Variants in PARP14 observed in about 807,000 individuals in gnomAD.
PARP14 encodes the protein poly(ADP-ribose) polymerase family member 14.
A neutral mutation model predicts 154.2 loss-of-function variants in PARP14; 59 were observed. The ratio of observed to expected loss-of-function variants is 0.38; its 90% CI spans 0.31 to 0.48. The LOEUF (loss-of-function observed/expected upper bound fraction) is 0.48. PARP14 is among the 20% of genes least tolerant of loss of function. The pLI is 0.98. For synonymous variants in PARP14, 720 were observed against 780.5 expected, an observed-to-expected ratio of 0.92 and a Z score of 1.29; for missense variants, 1,734 against 2,131.6, an observed-to-expected ratio of 0.81 and a Z score of 3.67.
intron 4 of PARP14, among the ~76,000 whole-genome samples, chr3:122,694,515 G>A (rs977091796): frequency 5.3e-5 from 8 of 152,066 alleles, no homozygotes; most frequent in Admixed American, 5.2e-4. Context: ...CTGGCACATC[G>A]TGGGCCCACC....
chr3:122,704,126 C>T (rs1939073563), intron 7 of PARP14, 148 bp downstream of exon 7: 2 of 636,434 alleles, frequency 3.1e-6, no homozygotes, highest in Non-Finnish European at 5.6e-6. Context: ...GTGGCCATTT[C>T]TTTCAGCTGT....
At chr3:122,692,242 G>T (rs1938562946) in intron 3 of PARP14, 59 bp from the exon 4 acceptor site, 1 of 1,484,026 alleles carries the variant, frequency 6.7e-7, no homozygotes. Flanking sequence ...AACTTACTTT[G>T]CTAAGACCAT....
rs1933396982 is a variant in PARP14, at chr3:122,730,414, G to T, written c.*1817G>T. The T allele has an allele frequency of 6.6e-6, 1 of 152,250 alleles. No homozygotes were observed. The highest frequency in any genetic ancestry group is 6.5e-5 in the Admixed American group (1 of 15,280). The allele number at this position is 152,250 out of a possible 1,614,324, so 9.4% of individuals were successfully genotyped here. A position where few individuals can be genotyped will look rare whatever the true frequency, so the allele number is the denominator to read the frequency against. ...CGGAGCCAATGCAGATAGCACATCA[G>T]ATGCTAGGGGTCGCTGGGAGGATTA... On this transcript the variant is annotated 3_prime_UTR_variant, in exon 17 of 17. Coordinates refer to ENST00000474629, the MANE Select transcript of PARP14 (RefSeq NM_017554.3).
chr3:122,705,361 T>A (rs535625234), intron 8 of PARP14, among the ~76,000 whole-genome samples: 1 of 152,230 alleles, frequency 6.6e-6, no homozygotes, highest in Non-Finnish European at 1.5e-5. Context: ...TTTCCCTCCA[T>A]ATGGACATAG....
In PARP14 at chr3:122,718,153, G is replaced by A. The variant is rs781558745; in HGVS notation, c.4083G>A (p.Gln1361=). Residue 1361 remains glutamine (Q), a synonymous_variant, in exon 13 of 17, where the codon CAG becomes CAA. Transcript: ENST00000474629. ...IEDFVQKGSA[Q]SVKKVKVVIF... ...ACTTTGTCCAGAAAGGATCAGCCCAGTCTGTGAAAAAAGTTAAAGTTGTTA... is the reference window on the plus strand; with the variant it reads ...ACTTTGTCCAGAAAGGATCAGCCCAATCTGTGAAAAAAGTTAAAGTTGTTA... 1.9e-5 allele frequency: 30 copies of A among 1,613,690 alleles called. No homozygotes were observed. The highest frequency in any genetic ancestry group is 2.5e-5 in the Non-Finnish European group (29 of 1,179,806).
chr3:122,710,781 T>C (rs1939298566), intron 9 of PARP14, among the ~76,000 whole-genome samples: 1 of 149,538 alleles, frequency 6.7e-6, no homozygotes. Context: ...GTTAAGTATA[T>C]TCCTAGGTAT....
rs1020925854 is a variant in PARP14, at chr3:122,727,921, C to G, written c.5051C>G (p.Thr1684Arg). ...AATGAGAAGCAACTCTTCCATGGGA[C>G]AGATGCCGGCTCCGTGCCACACGTC... ...TMNEKQLFHG[T>R]DAGSVPHVNR... Residue 1684 changes from threonine (T) to arginine (R), a missense_variant, in exon 16 of 17, where the codon ACA (threonine) becomes AGA (arginine). Thr to Arg is a moderately conservative substitution (Grantham distance 71, BLOSUM62 -1). Transcript: ENST00000474629. The G allele has an allele frequency of 6.2e-7, 1 of 1,613,764 alleles. No homozygotes were observed. The highest frequency in any genetic ancestry group is 1.3e-5 in the African/African-American group (1 of 74,928).
chr3:122,704,413 G>C, intron 7 of PARP14, 114 bp from the exon 8 acceptor site: 1 of 649,514 alleles, frequency 1.5e-6, no homozygotes. Context: ...CCCTTAATCA[G>C]TGTTGACAGC....
intron 9 of PARP14, 138 bp from the exon 10 acceptor site, chr3:122,713,286 C>G (rs1939380329): frequency 8.3e-6 from 5 of 599,060 alleles, no homozygotes; most frequent in Non-Finnish European, 1.5e-5. Context: ...GGCTGAGGAG[C>G]AGGGCCAGGT....
rs536883136 is a variant in PARP14 at position 122,688,849 on chromosome 3, G to A, written c.355+1736G>A. ...CACCATGAATGCACTAAGCATGCCC[G>A]AAACCTCATGCAAAAAGTTTAAAAC... On this transcript the variant is annotated intron_variant, in intron 3 of 16. Coordinates refer to ENST00000474629, the MANE Select transcript of PARP14 (RefSeq NM_017554.3). Among the ~76,000 whole-genome samples the A allele has an allele frequency of 5.9e-5, 9 of 152,244 alleles. No individual in the cohort carries two copies. The South Asian group carries it at 1.7e-3, about 28-fold the overall frequency.
intron 9 of PARP14, among the ~76,000 whole-genome samples, chr3:122,712,018 T>C (rs899063575): frequency 1.3e-5 from 2 of 152,174 alleles, no homozygotes; most frequent in Non-Finnish European, 2.9e-5. Context: ...ATTTTCTTTA[T>C]CTTTTCAAAG....
chr3:122,699,256 A>C, intron 5 of PARP14, 134 bp from the exon 6 acceptor site: 1 of 551,314 alleles, frequency 1.8e-6, no homozygotes, highest in South Asian at 3.2e-5. Context: ...TTGGTCTTAC[A>C]TTGTTTTATT....
rs1287753067 is a variant in PARP14 at position 122,722,070 on chromosome 3, CA to C, written c.4941+1687del. On this transcript the variant is annotated intron_variant, in intron 15 of 16. Coordinates refer to ENST00000474629, the MANE Select transcript of PARP14 (RefSeq NM_017554.3). ...TACAAGACTCATAATGTCCGTAAAT[CA>C]AAAAGCAAACCATTTGATAAGGAGG... 2.2e-4 allele frequency: 34 copies of C among 152,128 alleles called. 1 individual carries two copies. The highest frequency in any genetic ancestry group is 2.2e-3 in the Admixed American group (34 of 15,280). 9.4% of individuals were successfully genotyped at this position (152,128 alleles called of 1,614,324 possible).
At position 122,720,260 on chromosome 3, in the gene PARP14, A is replaced by G. The variant is rs369658078; in HGVS notation, c.4813A>G (p.Ile1605Val). ...VQRLTKSKVD[I>V]PAHWSDMKQQ... Reference sequence around the variant, plus strand: ...CTCAAATGTCTCCTTTGCAGTTGACATCCCTGCACACTGGAGTGATATGAA... The same window carrying G: ...CTCAAATGTCTCCTTTGCAGTTGACGTCCCTGCACACTGGAGTGATATGAA... The change falls in exon 15 of 17, where the codon ATC (isoleucine) becomes GTC (valine). Residue 1605 changes from isoleucine to valine, a missense_variant. Physicochemically the swap from Ile to Val is conservative, Grantham distance 29. This residue lies in a region of PARP14 where 1,646 missense variants were observed against 1,976.0 expected (regional missense o/e 0.83). Transcript: ENST00000474629. 8.4e-5 allele frequency: 136 copies of G among 1,612,986 alleles called. No individual in the cohort carries two copies. The highest frequency in any genetic ancestry group is 1.1e-4 in the Non-Finnish European group (132 of 1,179,514).
chr3:122,689,370 G>A (rs561487710), intron 3 of PARP14, among the ~76,000 whole-genome samples: 1 of 152,260 alleles, frequency 6.6e-6, no homozygotes, highest in South Asian at 2.1e-4. Context: ...TGCTCAGGCT[G>A]TCTTGGCTCA....
At position 122,681,150 on chromosome 3, in the gene PARP14, A is replaced by C; in HGVS notation, c.187+80A>C. ...GAAATGGCGGCAGGGCACGCACGGG[A>C]GGGTGACCCGCCCGACTTCGGCGGC... On this transcript the variant is annotated intron_variant, in intron 1 of 16. Coordinates refer to ENST00000474629, the MANE Select transcript of PARP14 (RefSeq NM_017554.3). The surrounding 1 kb of genome is among the most constrained non-coding windows in gnomAD (Gnocchi z 5.5). 7.7e-6 allele frequency: 5 copies of C among 650,518 alleles called. No individual in the cohort carries two copies. The highest frequency in any genetic ancestry group is 1.1e-5 in the Non-Finnish European group (5 of 473,618). 40.3% of individuals were successfully genotyped at this position (650,518 alleles called of 1,614,324 possible).
rs1000942843 is a variant in PARP14 at position 122,681,558 on chromosome 3, C to T, written c.187+488C>T. On this transcript the variant is annotated intron_variant, in intron 1 of 16. Coordinates refer to ENST00000474629, the MANE Select transcript of PARP14 (RefSeq NM_017554.3). This position sits in a 1 kb window ranked among gnomAD's most constrained non-coding sequence, Gnocchi z 5.5. ...GGGTCACTTGGGAGAGGGGCAGAGG[C>T]GCTACCTAAAATCACACTGCCTGAA... Among the ~76,000 whole-genome samples the T allele has an allele frequency of 6.6e-6, 1 of 152,076 alleles. No homozygotes were observed. Among genetic ancestry groups the T allele is most frequent in the Non-Finnish European group, 1.5e-5 (1 of 68,016 alleles).
At position 122,695,518 on chromosome 3, in the gene PARP14, A is replaced by G; in HGVS notation, c.691A>G (p.Arg231Gly). Reference protein sequence around the residue: ...PRLLEVTNTIRVENLPPGADD... With the variant: ...PRLLEVTNTIGVENLPPGADD... ...ACTTCTGGAAGTGACAAACACAATC[A>G]GGGTTGAAAACCTGCCACCTGGTGC... Residue 231 changes from arginine (R) to glycine (G), a missense_variant, in exon 5 of 17, where the codon AGG (arginine) becomes GGG (glycine). Around this residue, in one of 2 missense-constraint regions of PARP14, gnomAD observed 1,646 missense variants for 1,976.0 expected, o/e 0.83. Transcript: ENST00000474629. 6.2e-7 allele frequency: 1 copy of G among 1,610,420 alleles called. No homozygotes were observed. Among genetic ancestry groups the G allele is most frequent in the Non-Finnish European group, 8.5e-7 (1 of 1,177,444 alleles).
At chr3:122,683,667 A>T (rs981578558) in intron 1 of PARP14, among the ~76,000 whole-genome samples, 2 of 152,216 alleles carry the variant, frequency 1.3e-5, no homozygotes, top group African/African-American at 4.8e-5. Context: ...GAGGTTGGAC[A>T]TCAGAGTTTC....
Sources: gnomAD v4.1 joint callset for allele counts (sites outside exome capture counted in the v4.1 genomes callset) on GRCh38, gnomAD v4.1.1 for gene constraint, gnomAD v4.1.1 regional missense constraint, Gnocchi (gnomAD v3.1) non-coding constraint, MANE v1.5 for transcripts, NCBI Gene and HGNC (gene_info 2026-07-23, HGNC 2026-07-21) for gene names.